Variants in MAGI2 observed in about 807,000 individuals in gnomAD.
The protein encoded by MAGI2 is membrane associated guanylate kinase, WW and PDZ domain containing 2, also known as membrane-associated guanylate kinase, WW and PDZ domain-containing protein 2.
In MAGI2, 35 loss-of-function variants were observed where a neutral mutation model predicts 133.3. The ratio of observed to expected loss-of-function variants is 0.26; its 90% CI spans 0.20 to 0.35. The LOEUF (loss-of-function observed/expected upper bound fraction) is 0.35, where lower values mean the gene tolerates loss of function less well. MAGI2 is among the 10% of genes least tolerant of loss of function. The pLI is 1.00. For missense variants in MAGI2, 1,636 were observed against 1,863.4 expected (o/e 0.88, Z 2.25); for synonymous variants, 729 against 710.6 (o/e 1.03, Z -0.41).
chr7:78,669,484 C>A (rs1216805185), intron 2 of MAGI2, among the ~76,000 whole-genome samples: 2 of 152,112 alleles, frequency 1.3e-5, no homozygotes, highest in Admixed American at 6.6e-5. Context: ...CCAAATTCTA[C>A]CAGAGGTACA....
At chr7:79,114,316 A>T (rs1460841544) in intron 1 of MAGI2, among the ~76,000 whole-genome samples, 1 of 152,148 alleles carries the variant, frequency 6.6e-6, no homozygotes, top group Non-Finnish European at 1.5e-5. Flanking sequence ...TCTTTAATGG[A>T]TATTGGACCA....
chr7:79,325,352 A>G (rs1008976800), intron 1 of MAGI2, among the ~76,000 whole-genome samples: 3 of 152,094 alleles, frequency 2.0e-5, no homozygotes, highest in Admixed American at 1.3e-4. Flanking sequence ...TGAAATTTCT[A>G]TAGAAAGTGT....
At chr7:79,365,853 T>G in intron 1 of MAGI2, among the ~76,000 whole-genome samples, 3 of 90,544 alleles carry the variant, frequency 3.3e-5, no homozygotes, top group Admixed American at 1.7e-4. Flanking sequence ...GGTAATAGAG[T>G]GAGACTCTTG....
In MAGI2 at chr7:78,994,837, C is replaced by A. The variant is rs145779769; in HGVS notation, c.418+12253G>T. Among the ~76,000 whole-genome samples the A allele has an allele frequency of 1.7e-3, 257 of 152,210 alleles. 1 individual carries two copies. Among genetic ancestry groups the A allele is most frequent in the Middle Eastern group, 6.8e-3 (2 of 294 alleles). ...TTGTTAAATGCTGGTTCACTTTCTTCTTTCCATTCTATCCCCATCACCCCC... is the reference window on the plus strand; with the variant it reads ...TTGTTAAATGCTGGTTCACTTTCTTATTTCCATTCTATCCCCATCACCCCC... On this transcript the variant is annotated intron_variant, in intron 2 of 21. Coordinates refer to ENST00000354212, the MANE Select transcript of MAGI2 (RefSeq NM_012301.4).
At chr7:78,296,114 G>T (rs117385143) in intron 9 of MAGI2, among the ~76,000 whole-genome samples, 1 of 152,098 alleles carries the variant, frequency 6.6e-6, no homozygotes, top group Admixed American at 6.6e-5. Context: ...TTGCCCCAGA[G>T]AGTCCATTGT....
intron 2 of MAGI2, among the ~76,000 whole-genome samples, chr7:78,652,054 A>G (rs778682697): frequency 1.3e-5 from 2 of 152,180 alleles, no homozygotes; most frequent in Non-Finnish European, 2.9e-5. Flanking sequence ...CCTATGTTTT[A>G]TTTCAACAAA....
At position 78,615,692 on chromosome 7, in the gene MAGI2, T is replaced by A. The variant is rs1428508365; in HGVS notation, c.538+11428A>T. On this transcript the variant is annotated intron_variant, in intron 3 of 21. Transcript: ENST00000354212. ...AAGAGAAGAAAACTCATTGGAAAAT[T>A]TTAACTCAAATATGTTCCTTTTATC... is the stretch of plus-strand genomic sequence containing the variant. 7 of 152,228 alleles carry A rather than the reference T, an allele frequency of 4.6e-5. No homozygotes were observed. In the East Asian group the frequency reaches 1.3e-3, roughly 29 times the overall value. The allele number at this position is 152,228 out of a possible 1,614,324, so 9.4% of individuals were successfully genotyped here. A position where few individuals can be genotyped will look rare whatever the true frequency, so the allele number is the denominator to read the frequency against.
chr7:78,631,317 T>A (rs1451168741), intron 2 of MAGI2, among the ~76,000 whole-genome samples: 4 of 152,106 alleles, frequency 2.6e-5, no homozygotes, highest in African/African-American at 9.7e-5. Context: ...AAGTTCTATG[T>A]CCCATATCTC....
chr7:79,099,278 G>C (rs1278268191), intron 1 of MAGI2, among the ~76,000 whole-genome samples: 1 of 151,694 alleles, frequency 6.6e-6, no homozygotes, highest in East Asian at 1.9e-4. Context: ...TACAAATATT[G>C]AGTATCATAC....
intron 6 of MAGI2, among the ~76,000 whole-genome samples, chr7:78,375,501 T>C (rs1211573730): frequency 6.6e-6 from 1 of 152,144 alleles, no homozygotes; most frequent in African/African-American, 2.4e-5. Context: ...TGTACTAAGA[T>C]ATCAGAGACA....
At chr7:78,743,853 G>T (rs534081738) in intron 2 of MAGI2, among the ~76,000 whole-genome samples, 61 of 152,168 alleles carry the variant, frequency 4.0e-4, no homozygotes, top group African/African-American at 1.4e-3. Context: ...TTCTGGGAAG[G>T]CCTTCTTACC....
chr7:78,686,957 G>A (rs1816388758), intron 2 of MAGI2, among the ~76,000 whole-genome samples: 1 of 152,194 alleles, frequency 6.6e-6, no homozygotes, highest in Non-Finnish European at 1.5e-5. Context: ...ATTGCAAGAT[G>A]TAAGTAAAAG....
intron 2 of MAGI2, among the ~76,000 whole-genome samples, chr7:78,843,236 C>T (rs1723950459): frequency 6.6e-6 from 1 of 151,906 alleles, no homozygotes. Context: ...TGTGTTTCAG[C>T]AACTTGAGGC....
intron 9 of MAGI2, among the ~76,000 whole-genome samples, chr7:78,319,312 A>G (rs1002352182): frequency 6.6e-6 from 1 of 151,940 alleles, no homozygotes; most frequent in Non-Finnish European, 1.5e-5. Flanking sequence ...ACAAAAAACA[A>G]ACAAACAAAA....
intron 1 of MAGI2, among the ~76,000 whole-genome samples, chr7:79,325,658 G>A (rs1259571876): frequency 6.6e-6 from 1 of 152,098 alleles, no homozygotes; most frequent in Non-Finnish European, 1.5e-5. Flanking sequence ...CAAACATTGT[G>A]AGAAAAAACA....
At chr7:78,869,694 T>C (rs1794867797) in intron 2 of MAGI2, among the ~76,000 whole-genome samples, 1 of 152,110 alleles carries the variant, frequency 6.6e-6, no homozygotes, top group South Asian at 2.1e-4. Flanking sequence ...TATGAAGCCA[T>C]CAGATCTCAT....
chr7:78,308,056 A>G (rs1313888019), intron 9 of MAGI2, among the ~76,000 whole-genome samples: 2 of 152,218 alleles, frequency 1.3e-5, no homozygotes, highest in African/African-American at 2.4e-5. Context: ...ATCAAAGAGA[A>G]CCAAGCTCAC....
intron 2 of MAGI2, among the ~76,000 whole-genome samples, chr7:78,686,733 A>G (rs1318439024): frequency 6.6e-6 from 1 of 152,172 alleles, no homozygotes; most frequent in Non-Finnish European, 1.5e-5. Flanking sequence ...CTATCTTCAT[A>G]TGACAGCCTA....
intron 3 of MAGI2, among the ~76,000 whole-genome samples, chr7:78,537,509 TTA>T (rs1798059261): frequency 1.3e-5 from 2 of 152,140 alleles, no homozygotes; most frequent in African/African-American, 4.8e-5. Flanking sequence ...CCAACATCTA[TTA>T]GTTTTCAATT....
Sources: allele counts gnomAD v4.1 joint callset (sites outside exome capture counted in the v4.1 genomes callset), GRCh38; gene constraint gnomAD v4.1.1; transcripts MANE v1.5; gene names NCBI Gene and HGNC (gene_info 2026-07-23, HGNC 2026-07-21).